The following BCL3 variants were observed in gnomAD, a reference collection of about 807,000 sequenced individuals.
The protein encoded by BCL3 is B-cell lymphoma 3 protein.
BCL3 carries 15 observed loss-of-function variants against 35.7 expected under a neutral mutation model. The ratio of observed to expected loss-of-function variants is 0.42; its 90% CI spans 0.28 to 0.65. The LOEUF is 0.65. BCL3 is among the 30% of genes least tolerant of loss of function. The probability of loss-of-function intolerance (pLI) is 0.22; values close to 1 mark genes in which losing one functional copy is unlikely to be tolerated. For synonymous variants in BCL3, 311 were observed against 284.3 expected (o/e 1.09, Z -0.95); for missense variants, 565 against 641.7 (o/e 0.88, Z 1.29).
chr19:44,751,709 C>G (rs541684323), intron 2 of BCL3, among the ~76,000 whole-genome samples: 1 of 152,318 alleles, frequency 6.6e-6, no homozygotes, highest in South Asian at 2.1e-4. Context: ...TCAAGTGAGT[C>G]TCATGCCACA....
chr19:44,757,354 A>C lies in BCL3; in HGVS notation c.752A>C (p.Asn251Thr). ...DGLTALHVAV[N>T]TECQETVQLL... ...CTCACCGCCCTGCACGTGGCAGTGAACACCGAGTGCCAAGAAACCGTGCAG... is the reference window on the plus strand; with the variant it reads ...CTCACCGCCCTGCACGTGGCAGTGACCACCGAGTGCCAAGAAACCGTGCAG... Residue 251 changes from asparagine to threonine, a missense_variant, in exon 5 of 9, where the codon AAC (asparagine) becomes ACC (threonine). Around this residue, in one of 5 missense-constraint regions of BCL3, gnomAD observed 103 missense variants for 106.7 expected, o/e 0.97. Transcript: ENST00000164227. The surrounding 1 kb of genome is among the most constrained non-coding windows in gnomAD (Gnocchi z 8.4). The C allele has an allele frequency of 1.2e-6, 2 of 1,606,718 alleles. No homozygotes were observed. Among genetic ancestry groups the C allele is most frequent in the Non-Finnish European group, 8.5e-7 (1 of 1,176,778 alleles).
rs1967338913 is a variant in BCL3 at position 44,758,304 on chromosome 19, C to G, written c.950C>G (p.Ser317Cys). 1 of 1,564,182 alleles carries G rather than the reference C, an allele frequency of 6.4e-7. No homozygotes were observed. The highest frequency in any genetic ancestry group is 8.6e-7 in the Non-Finnish European group (1 of 1,164,282). The change falls in exon 7 of 9, where the codon TCC becomes TGC. Residue 317 changes from serine to cysteine, a missense_variant. Physicochemically the swap from Ser to Cys is moderately radical, Grantham distance 112. Transcript: ENST00000164227. Reference sequence around the variant, plus strand: ...GGCAGCTCCGCCCTGCACTCAGCGTCCGGCCGCGGGCTCCTCCCGCTGGTG... The same window carrying G: ...GGCAGCTCCGCCCTGCACTCAGCGTGCGGCCGCGGGCTCCTCCCGCTGGTG... ...YSGSSALHSA[S>C]GRGLLPLVRT... is the part of the protein sequence containing the mutation.
rs1351453745 is a variant in BCL3 at position 44,757,691 on chromosome 19, A to C, written c.859A>C (p.Asn287His). 1 of 1,613,874 alleles carries C rather than the reference A, an allele frequency of 6.2e-7. No homozygotes were observed. Among genetic ancestry groups the C allele is most frequent in the Admixed American group, 1.7e-5 (1 of 59,988 alleles). ...RSPLIHAVEN[N>H]SLSMVQLLLQ... ...CCCGCTCATCCACGCCGTGGAAAAC[A>C]ACAGCCTTAGCATGGTGCAGCTGCT... Residue 287 changes from asparagine to histidine, a missense_variant, in exon 6 of 9, where the codon AAC (asparagine) becomes CAC (histidine). Asn to His is a moderately conservative substitution (Grantham distance 68). Transcript: ENST00000164227. The surrounding 1 kb of genome is among the most constrained non-coding windows in gnomAD (Gnocchi z 8.4).
chr19:44,757,543 CAA>C lies in BCL3; in HGVS notation c.814-102_814-101del. The C allele has an allele frequency of 6.5e-7, 1 of 1,529,532 alleles. No homozygotes were observed. The highest frequency in any genetic ancestry group is 9.0e-7 in the Non-Finnish European group (1 of 1,111,532). The allele number at this position is 1,529,532 out of a possible 1,614,324, so 94.7% of individuals were successfully genotyped here. ...GGGGTGGGGCTTGGAGTATCAGACC[CAA>C]GAGAGAGGCTGGACCCCGCGAATGG... is the stretch of plus-strand genomic sequence containing the variant. On this transcript the variant is annotated intron_variant, in intron 5 of 8. Coordinates refer to ENST00000164227, the MANE Select transcript of BCL3 (RefSeq NM_005178.5). This position sits in a 1 kb window ranked among gnomAD's most constrained non-coding sequence, Gnocchi z 8.4.
At chr19:44,756,368 TG>T in intron 3 of BCL3, 28 bp downstream of exon 3, 2 of 1,368,650 alleles carry the variant, frequency 1.5e-6, no homozygotes, top group Non-Finnish European at 9.6e-7. Context: ...GGAGGAGGGC[TG>T]GGGCCTGGAC....
Position 44,751,164 on chromosome 19 carries a change from G to T in BCL3, c.257-63G>T, listed in dbSNP as rs1346655203. ...CAGGAGCAAAGTTTTAGAAGTGGGG[G>T]GCGGGTTGAGGGTCTGTGGGTGTGG... is the stretch of plus-strand genomic sequence containing the variant. On this transcript the variant is annotated intron_variant, in intron 1 of 8. Transcript: ENST00000164227. The T allele has an allele frequency of 2.3e-5, 36 of 1,550,472 alleles. No individual in the cohort carries two copies. The South Asian group carries it at 3.8e-4, about 16-fold the overall frequency.
rs1967385146 is a variant in BCL3, at chr19:44,759,618, G to T, written c.*3G>T. Reference sequence around the variant, plus strand: ...CCCCAGCTCCAGGAGGCAGCTGAGGGGGATGGGGGGGCAGATCTTGGACTC... The same window carrying T: ...CCCCAGCTCCAGGAGGCAGCTGAGGTGGATGGGGGGGCAGATCTTGGACTC... On this transcript the variant is annotated 3_prime_UTR_variant, in exon 9 of 9. Transcript: ENST00000164227. The T allele has an allele frequency of 3.7e-6, 6 of 1,601,014 alleles. No individual in the cohort carries two copies. Among genetic ancestry groups the T allele is most frequent in the Non-Finnish European group, 5.1e-6 (6 of 1,177,162 alleles).
At chr19:44,753,837 G>T (rs1250727355) in intron 2 of BCL3, among the ~76,000 whole-genome samples, 3 of 136,368 alleles carry the variant, frequency 2.2e-5, no homozygotes, top group African/African-American at 5.1e-5. Context: ...GCGGGGGGGG[G>T]GGGTGATGTT....
intron 2 of BCL3, among the ~76,000 whole-genome samples, chr19:44,752,826 G>A (rs141477447): frequency 7.2e-5 from 11 of 152,256 alleles, no homozygotes; most frequent in South Asian, 2.1e-4. Context: ...AGGAACCATC[G>A]CGTGTGAGGG....
chr19:44,759,887 C>A lies in BCL3; in HGVS notation c.*272C>A. The A allele has an allele frequency of 5.1e-6, 2 of 395,362 alleles. No individual in the cohort carries two copies. The highest frequency in any genetic ancestry group is 4.5e-6 in the Non-Finnish European group (1 of 223,448). 24.5% of individuals were successfully genotyped at this position (395,362 alleles called of 1,614,324 possible). A position where few individuals can be genotyped will look rare whatever the true frequency, so the allele number is the denominator to read the frequency against. On this transcript the variant is annotated 3_prime_UTR_variant, in exon 9 of 9. Transcript: ENST00000164227. ...CCCACATCTTCCATTTCCATGTCCCCTCCCAGAGCTGGTGGACCCAGGGAA... is the reference window on the plus strand; with the variant it reads ...CCCACATCTTCCATTTCCATGTCCCATCCCAGAGCTGGTGGACCCAGGGAA...
chr19:44,749,297 G>GGA (rs1967132401), intron 1 of BCL3, among the ~76,000 whole-genome samples: 1 of 129,820 alleles, frequency 7.7e-6, no homozygotes, highest in South Asian at 2.6e-4. Flanking sequence ...GGGGGGGGGG[G>GGA]CCAGGGACAA....
chr19:44,753,067 G>A (rs149462533), intron 2 of BCL3, among the ~76,000 whole-genome samples: 286 of 152,260 alleles, frequency 1.9e-3, no homozygotes, highest in African/African-American at 6.6e-3. Context: ...GTGAGATCTT[G>A]TACACATGTA....
At position 44,751,380 on chromosome 19, in the gene BCL3, C is replaced by G. The variant is rs776069320; in HGVS notation, c.410C>G (p.Thr137Arg). Reference sequence around the variant, plus strand: ...ACCCGTGCAGATGAGGACGGAGACACGTGAGTGACAGTCCCCTATTAAGGG... The same window carrying G: ...ACCCGTGCAGATGAGGACGGAGACAGGTGAGTGACAGTCCCCTATTAAGGG... Reference protein sequence around the residue: ...MATRADEDGDTPLHIAVVQGN... With the variant: ...MATRADEDGDRPLHIAVVQGN... Residue 137 changes from threonine to arginine, a missense_variant and splice_region_variant, in exon 2 of 9, where the codon ACG becomes AGG. By Grantham distance (71) the Thr-to-Arg change is moderately conservative. Transcript: ENST00000164227. 6.4e-7 allele frequency: 1 copy of G among 1,571,696 alleles called. No individual in the cohort carries two copies. Among genetic ancestry groups the G allele is most frequent in the South Asian group, 1.2e-5 (1 of 85,050 alleles).
At chr19:44,754,457 G>T (rs1208276746) in intron 2 of BCL3, among the ~76,000 whole-genome samples, 1 of 152,168 alleles carries the variant, frequency 6.6e-6, no homozygotes, top group African/African-American at 2.4e-5. Context: ...CGGCGGGACA[G>T]GCTTCCCTCC....
chr19:44,757,091 C>T lies in BCL3; in HGVS notation c.594C>T (p.Pro198=), dbSNP rs769332537. 6.2e-6 allele frequency: 10 copies of T among 1,609,328 alleles called. 1 individual carries two copies. The highest frequency in any genetic ancestry group is 5.5e-5 in the South Asian group (5 of 90,564). ...TCCTGGTGACAGCTGGTGCCAGCCC[C>T]ATGGCGCTGGACCGCCATGGCCAGA... ...VRLLVTAGAS[P]MALDRHGQTA... is the part of the protein sequence containing the mutation. Residue 198 remains proline (P), a synonymous_variant, in exon 4 of 9, where the codon CCC becomes CCT. Transcript: ENST00000164227. The surrounding 1 kb of genome is among the most constrained non-coding windows in gnomAD (Gnocchi z 8.4).
At chr19:44,749,075 G>A in intron 1 of BCL3, 29 bp downstream of exon 1, 1 of 1,241,266 alleles carries the variant, frequency 8.1e-7, no homozygotes. Flanking sequence ...TCCGGGCCGG[G>A]TGGGATCCAC....
At chr19:44,749,698 C>T (rs1002166889) in intron 1 of BCL3, among the ~76,000 whole-genome samples, 13 of 152,048 alleles carry the variant, frequency 8.5e-5, no homozygotes, top group African/African-American at 3.1e-4. Context: ...AACAGAGACC[C>T]GGGTTTCTGG....
intron 2 of BCL3, among the ~76,000 whole-genome samples, chr19:44,754,113 T>C (rs1018115434): frequency 6.6e-6 from 1 of 152,134 alleles, no homozygotes; most frequent in African/African-American, 2.4e-5. Flanking sequence ...TTTCTGGGTC[T>C]CTGAGGGGAC....
intron 2 of BCL3, among the ~76,000 whole-genome samples, chr19:44,752,190 C>A (rs28505483): frequency 6.6e-6 from 1 of 150,378 alleles, no homozygotes; most frequent in South Asian, 2.1e-4. Flanking sequence ...TTCTTTTTTT[C>A]TTTTTTTCTT....
Sources: gnomAD v4.1 joint callset for allele counts (sites outside exome capture counted in the v4.1 genomes callset) on GRCh38, gnomAD v4.1.1 for gene constraint, gnomAD v4.1.1 regional missense constraint, Gnocchi (gnomAD v3.1) non-coding constraint, MANE v1.5 for transcripts, NCBI Gene and HGNC (gene_info 2026-07-23, HGNC 2026-07-21) for gene names.